BROX: variants seen among roughly 807,000 people sequenced by gnomAD.
BROX encodes BRO1 domain-containing protein BROX.
A neutral mutation model predicts 61.0 loss-of-function variants in BROX; 53 were observed. The ratio of observed to expected loss-of-function variants is 0.87; its 90% confidence interval spans 0.70 to 1.09. The LOEUF (loss-of-function observed/expected upper bound fraction) is 1.09, where lower values mean the gene tolerates loss of function less well. BROX is among the 50% of genes least tolerant of loss of function. BROX has a pLI of 0.00. For synonymous variants in BROX, 152 were observed against 160.2 expected, an observed-to-expected ratio of 0.95 and a Z score of 0.38; for missense variants, 489 against 472.0, an observed-to-expected ratio of 1.04 and a Z score of -0.33.
chr1:222,724,063 C>T, intron 5 of BROX, 29 bp from the exon 6 acceptor site: 2 of 1,513,226 alleles, frequency 1.3e-6, no homozygotes, highest in Non-Finnish European at 1.8e-6. Context: ...GGAATTCATC[C>T]TCTAACTAAT....
chr1:222,725,943 A>G (rs1657468422), intron 7 of BROX, among the ~76,000 whole-genome samples: 1 of 152,220 alleles, frequency 6.6e-6, no homozygotes, highest in Admixed American at 6.5e-5. Context: ...AAAAATCAGA[A>G]TTAGCCAGAA....
intron 1 of BROX, chr1:222,714,090 T>C (rs974397471): frequency 6.6e-6 from 1 of 152,218 alleles, no homozygotes; most frequent in Non-Finnish European, 1.5e-5. Flanking sequence ...ATGAACCTTA[T>C]CAGAATTTTT....
chr1:222,715,433 C>T (rs757125276), intron 1 of BROX, among the ~76,000 whole-genome samples: 39 of 152,252 alleles, frequency 2.6e-4, no homozygotes, highest in Non-Finnish European at 5.1e-4. Context: ...TGAGGCCGGG[C>T]GCGGTGGCTC....
Position 222,719,590 on chromosome 1 carries a change from A to G in BROX, c.305+231A>G, listed in dbSNP as rs148466045. Among the ~76,000 whole-genome samples the G allele has an allele frequency of 4.5e-3, 680 of 152,354 alleles. 3 individuals are homozygous for G. Among genetic ancestry groups the G allele is most frequent in the Non-Finnish European group, 6.5e-3 (440 of 68,024 alleles). ...GAGGTAATCAATACAGATGTTAACTACAGTTGAACAGCCTTGACCTTTAAT... is the reference window on the plus strand; with the variant it reads ...GAGGTAATCAATACAGATGTTAACTGCAGTTGAACAGCCTTGACCTTTAAT... On this transcript the variant is annotated intron_variant, in intron 4 of 12. Coordinates refer to ENST00000340934, the MANE Select transcript of BROX (RefSeq NM_144695.4).
At chr1:222,729,214 G>A (rs1006880534) in intron 9 of BROX, among the ~76,000 whole-genome samples, 6 of 152,062 alleles carry the variant, frequency 3.9e-5, no homozygotes, top group African/African-American at 9.7e-5. Flanking sequence ...TGGAAGTTAC[G>A]TATCAGTCTG....
Position 222,733,952 on chromosome 1 carries a change from T to A in BROX, c.*1238T>A, listed in dbSNP as rs1390717391. 6.6e-6 allele frequency: 1 copy of A among 152,264 alleles called. No homozygotes were observed. Among genetic ancestry groups the A allele is most frequent in the Admixed American group, 6.5e-5 (1 of 15,290 alleles). The allele number at this position is 152,264 out of a possible 1,614,324, so 9.4% of individuals were successfully genotyped here. On this transcript the variant is annotated 3_prime_UTR_variant, in exon 13 of 13. Coordinates refer to ENST00000340934, the MANE Select transcript of BROX (RefSeq NM_144695.4). ...AGAAGTTATAGTAAGATGCCTTTGT[T>A]ACCTGATTTCAGTGTACATTGTTTT...
rs866884159 is a variant in BROX at position 222,712,577 on chromosome 1, C to T, written c.-382C>T. 7 of 1,371,004 alleles carry T rather than the reference C, an allele frequency of 5.1e-6. No homozygotes were observed. Among genetic ancestry groups the T allele is most frequent in the Middle Eastern group, 2.3e-4 (1 of 4,394 alleles). The allele number at this position is 1,371,004 out of a possible 1,614,324, so 84.9% of individuals were successfully genotyped here. On this transcript the variant is annotated 5_prime_UTR_variant, in exon 1 of 13. Coordinates refer to ENST00000340934, the MANE Select transcript of BROX (RefSeq NM_144695.4). ...TGAGGCCGCCCCACTGCGCCGAGGG[C>T]CGCCATCGCTATTGCGGCATTCTCC...
At chr1:222,720,537 C>T (rs1220591760) in intron 4 of BROX, among the ~76,000 whole-genome samples, 2 of 152,084 alleles carry the variant, frequency 1.3e-5, no homozygotes, top group African/African-American at 4.8e-5. Context: ...TAAAGCCGGG[C>T]ACAGTGGCTC....
Position 222,725,534 on chromosome 1 carries a change from T to C in BROX, c.559T>C (p.Cys187Arg), listed in dbSNP as rs902839449. 1 of 1,610,628 alleles carries C rather than the reference T, an allele frequency of 6.2e-7. No homozygotes were observed. Among genetic ancestry groups the C allele is most frequent in the African/African-American group, 1.3e-5 (1 of 74,750 alleles). ...SRLIEAYVIQ[C>R]QAEAQEVTIA... is the part of the protein sequence containing the mutation. ...ACTCATAGAAGCATACGTTATTCAATGTCAGGCTGAAGCTCAAGAAGGTAT... is the reference window on the plus strand; with the variant it reads ...ACTCATAGAAGCATACGTTATTCAACGTCAGGCTGAAGCTCAAGAAGGTAT... The change falls in exon 7 of 13, where the codon TGT becomes CGT. Residue 187 changes from cysteine to arginine, a missense_variant. Cys to Arg is a radical substitution (Grantham distance 180). Transcript: ENST00000340934.
rs78791265 is a variant in BROX, at chr1:222,727,663, A to G, written c.670+406A>G. Among the ~76,000 whole-genome samples the G allele has an allele frequency of 5.4e-3, 822 of 152,326 alleles. 2 individuals carry two copies. Among genetic ancestry groups the G allele is most frequent in the African/African-American group, 0.019 (791 of 41,578 alleles). The stretch of plus-strand genomic sequence containing the variant: ...CTCTTCATTTACTTATTTAGGAAAC[A>G]TGCATGTGTTTTTATTTATGGGATA... On this transcript the variant is annotated intron_variant, in intron 8 of 12. Coordinates refer to ENST00000340934, the MANE Select transcript of BROX (RefSeq NM_144695.4).
At chr1:222,716,883 AG>A (rs773915235) in intron 2 of BROX, among the ~76,000 whole-genome samples, 1 of 152,210 alleles carries the variant, frequency 6.6e-6, no homozygotes, top group Non-Finnish European at 1.5e-5. Context: ...TAAATGCAAA[AG>A]ATGTTTTGAA....
At chr1:222,725,207 G>A (rs1657410882) in intron 6 of BROX, among the ~76,000 whole-genome samples, 1 of 152,168 alleles carries the variant, frequency 6.6e-6, no homozygotes, top group South Asian at 2.1e-4. Flanking sequence ...TATCTCAGCA[G>A]TCTATCATGA....
At chr1:222,722,692 T>G (rs1396786894) in intron 5 of BROX, among the ~76,000 whole-genome samples, 178 bp downstream of exon 5, 1 of 152,210 alleles carries the variant, frequency 6.6e-6, no homozygotes, top group Non-Finnish European at 1.5e-5. Flanking sequence ...AAAATAAATT[T>G]TAATAGTCTT....
At chr1:222,716,831 C>A (rs1262428952) in intron 2 of BROX, among the ~76,000 whole-genome samples, 2 of 152,154 alleles carry the variant, frequency 1.3e-5, no homozygotes, top group East Asian at 3.8e-4. Context: ...AACCTTTGTG[C>A]TAGTGATAGT....
intron 4 of BROX, among the ~76,000 whole-genome samples, chr1:222,721,696 G>T (rs1657108609): frequency 6.6e-6 from 1 of 152,082 alleles, no homozygotes; most frequent in African/African-American, 2.4e-5. Context: ...AGGAAACAAG[G>T]TATAAAATAT....
intron 6 of BROX, among the ~76,000 whole-genome samples, chr1:222,724,889 G>C (rs922849578): frequency 5.3e-5 from 8 of 152,046 alleles, no homozygotes; most frequent in Non-Finnish European, 1.0e-4. Context: ...CTGCCTCCCG[G>C]TTCAAGTGAT....
rs1199093959 is a variant in BROX, at chr1:222,712,630, T to C, written c.-329T>C. On this transcript the variant is annotated 5_prime_UTR_variant, in exon 1 of 13. Transcript: ENST00000340934. ...CGGCTCCGGAGGTAGGGGCAACTCT[T>C]CTCTTCCTGTCTGGGAAAAAGACCA... 1.5e-6 allele frequency: 2 copies of C among 1,324,432 alleles called. No individual in the cohort carries two copies. The highest frequency in any genetic ancestry group is 8.3e-5 in the East Asian group (2 of 24,046). 82.0% of individuals were successfully genotyped at this position (1,324,432 alleles called of 1,614,324 possible). A position where few individuals can be genotyped will look rare whatever the true frequency, so the allele number is the denominator to read the frequency against.
Position 222,719,355 on chromosome 1 carries a change from C to T in BROX, c.301C>T (p.Pro101Ser). Reference sequence around the variant, plus strand: ...GACTGATACATTGCAAGGACAGGTTCCAAGGTAAGCAACACTAAAGTAATA... The same window carrying T: ...GACTGATACATTGCAAGGACAGGTTTCAAGGTAAGCAACACTAAAGTAATA... Reference protein sequence around the residue: ...KWTDTLQGQVPSAQQDAVFEL... With the variant: ...KWTDTLQGQVSSAQQDAVFEL... The change falls in exon 4 of 13, where the codon CCA (proline) becomes TCA (serine). Residue 101 changes from proline (P) to serine (S), a missense_variant. Transcript: ENST00000340934. 1 of 1,599,282 alleles carries T rather than the reference C, an allele frequency of 6.3e-7. No homozygotes were observed. The highest frequency in any genetic ancestry group is 8.6e-7 in the Non-Finnish European group (1 of 1,167,110).
chr1:222,732,264 G>T (rs1462564802), intron 12 of BROX, among the ~76,000 whole-genome samples: 1 of 151,972 alleles, frequency 6.6e-6, no homozygotes, highest in Non-Finnish European at 1.5e-5. Context: ...TGCACAATGT[G>T]CAGGTTAGTT....
Sources: allele counts gnomAD v4.1 joint callset (sites outside exome capture counted in the v4.1 genomes callset), GRCh38; gene constraint gnomAD v4.1.1; transcripts MANE v1.5; gene names NCBI Gene and HGNC (gene_info 2026-07-23, HGNC 2026-07-21).